The following FAT3 variants were observed in gnomAD, a reference collection of about 807,000 sequenced individuals.
FAT3 encodes the protein FAT atypical cadherin 3.
A neutral mutation model predicts 310.2 loss-of-function variants in FAT3; 95 were observed. The observed-to-expected ratio is 0.31, with a 90% CI of 0.26 to 0.36. The LOEUF (loss-of-function observed/expected upper bound fraction) is 0.36, where lower values mean the gene tolerates loss of function less well. Ranked by LOEUF, FAT3 falls within the 10% of genes least tolerant of loss-of-function variation. FAT3 has a pLI of 1.00. For synonymous variants in FAT3, 2,314 were observed against 2,192.9 expected, an observed-to-expected ratio of 1.06 and a Z score of -1.54; for missense variants, 5,408 against 5,715.6, an observed-to-expected ratio of 0.95 and a Z score of 1.74.
intron 3 of FAT3, among the ~76,000 whole-genome samples, chr11:92,678,725 A>G (rs1943371875): frequency 6.6e-6 from 1 of 152,192 alleles, no homozygotes; most frequent in Admixed American, 6.5e-5. Flanking sequence ...CTCCATGTTC[A>G]ATTAATAATT....
At chr11:92,258,557 A>T (rs532440781) in intron 1 of FAT3, among the ~76,000 whole-genome samples, 12 of 152,092 alleles carry the variant, frequency 7.9e-5, no homozygotes, top group African/African-American at 2.7e-4. Flanking sequence ...GTTTCATTTG[A>T]TTGGAGTTTT....
intron 21 of FAT3, among the ~76,000 whole-genome samples, chr11:92,863,220 G>A (rs1355921975): frequency 2.0e-5 from 3 of 152,118 alleles, no homozygotes; most frequent in Non-Finnish European, 4.4e-5. Flanking sequence ...TAGGACTACA[G>A]GCACATGCTA....
At chr11:92,529,615 G>A (rs1464515171) in intron 3 of FAT3, among the ~76,000 whole-genome samples, 1 of 151,770 alleles carries the variant, frequency 6.6e-6, no homozygotes, top group African/African-American at 2.4e-5. Flanking sequence ...TATTTTAAAG[G>A]GAAAAACACA....
At chr11:92,260,276 C>T (rs916011136) in intron 1 of FAT3, among the ~76,000 whole-genome samples, 32 of 151,754 alleles carry the variant, frequency 2.1e-4, no homozygotes, top group Non-Finnish European at 4.1e-4. Context: ...GTTTTAAGAG[C>T]GGTCATTTGT....
intron 1 of FAT3, chr11:92,336,043 C>CCT (rs1948064336): frequency 2.0e-6 from 1 of 498,196 alleles, no homozygotes; most frequent in Non-Finnish European, 4.0e-6. Flanking sequence ...CAGTTCTCAT[C>CCT]CTCTGGCAAC....
intron 13 of FAT3, among the ~76,000 whole-genome samples, chr11:92,822,355 A>G (rs1462761188): frequency 6.6e-6 from 1 of 151,796 alleles, no homozygotes; most frequent in Non-Finnish European, 1.5e-5. Context: ...AATTTGGATC[A>G]GTCTGGATCG....
intron 10 of FAT3, 82 bp from the exon 11 acceptor site, chr11:92,805,071 C>G: frequency 1.4e-6 from 2 of 1,428,004 alleles, no homozygotes; most frequent in South Asian, 2.8e-5. Flanking sequence ...CTGGATGACT[C>G]CACATGCACC....
At chr11:92,521,501 C>T (rs1398210029) in intron 2 of FAT3, among the ~76,000 whole-genome samples, 1 of 143,748 alleles carries the variant, frequency 7.0e-6, no homozygotes, top group Non-Finnish European at 1.5e-5. Flanking sequence ...AGATTTAACA[C>T]GTACTCAGCA....
intron 12 of FAT3, 88 bp downstream of exon 12, chr11:92,806,603 T>A: frequency 2.2e-5 from 25 of 1,122,338 alleles, no homozygotes; most frequent in Non-Finnish European, 3.0e-5. Flanking sequence ...AGTAAATAGT[T>A]AGTAGTATAC....
intron 21 of FAT3, among the ~76,000 whole-genome samples, chr11:92,861,055 C>G (rs749399403): frequency 3.3e-4 from 51 of 152,304 alleles, no homozygotes; most frequent in South Asian, 8.3e-4. Context: ...AAGAAAAACT[C>G]AAAAACCTAA....
chr11:92,777,570 G>A (rs1169674645), intron 7 of FAT3, among the ~76,000 whole-genome samples: 1 of 152,160 alleles, frequency 6.6e-6, no homozygotes, highest in Non-Finnish European at 1.5e-5. Flanking sequence ...AAGGGCCTCT[G>A]CATAAACTAG....
At chr11:92,523,895 A>G (rs1953766293) in intron 2 of FAT3, among the ~76,000 whole-genome samples, 1 of 152,166 alleles carries the variant, frequency 6.6e-6, no homozygotes, top group African/African-American at 2.4e-5. Flanking sequence ...GAAATGGGAA[A>G]GACTGGGCAT....
At chr11:92,500,145 TTTAGAAGGCTAGGCTCATTGACATTAAAA>T (rs1256247888) in intron 2 of FAT3, among the ~76,000 whole-genome samples, 4 of 152,076 alleles carry the variant, frequency 2.6e-5, no homozygotes, top group Non-Finnish European at 5.9e-5. Flanking sequence ...TTGACTAAAA[TTTAGAAGGCTAGGCTCATTGACATTAAAA>T]TGCTAAGACC....
chr11:92,827,218 G>C (rs974290494), intron 13 of FAT3, among the ~76,000 whole-genome samples: 1 of 152,192 alleles, frequency 6.6e-6, no homozygotes, highest in Non-Finnish European at 1.5e-5. Context: ...AATCTGCTGT[G>C]TTAACTTTTC....
chr11:92,651,153 C>T (rs1451460542), intron 3 of FAT3, among the ~76,000 whole-genome samples: 1 of 152,198 alleles, frequency 6.6e-6, no homozygotes, highest in Non-Finnish European at 1.5e-5. Context: ...TACTTTACAG[C>T]CAATTGTCAA....
chr11:92,598,655 G>A (rs1939846828), intron 3 of FAT3, among the ~76,000 whole-genome samples: 1 of 152,138 alleles, frequency 6.6e-6, no homozygotes, highest in African/African-American at 2.4e-5. Context: ...CTAGAAAGTG[G>A]CAGGAACAAT....
At chr11:92,252,244 A>G (rs550360279) in intron 1 of FAT3, among the ~76,000 whole-genome samples, 1 of 152,174 alleles carries the variant, frequency 6.6e-6, no homozygotes, top group Non-Finnish European at 1.5e-5. Flanking sequence ...CTAATTTAGC[A>G]ACTTTGCCTA....
Position 92,479,286 on chromosome 11 carries a change from C to T in FAT3, c.3293-45348C>T, listed in dbSNP as rs574130076. Reference sequence around the variant, plus strand: ...TCAGCCTCCCAAAGTGCTGGGATTACAGGTATGAGCCACTGCACCCAGACT... The same window carrying T: ...TCAGCCTCCCAAAGTGCTGGGATTATAGGTATGAGCCACTGCACCCAGACT... On this transcript the variant is annotated intron_variant, in intron 2 of 27. Transcript: ENST00000525166. Among the ~76,000 whole-genome samples the T allele has an allele frequency of 5.1e-4, 77 of 151,764 alleles. No individual in the cohort carries two copies. In the South Asian group the frequency reaches 5.6e-3, roughly 11 times the overall value.
At chr11:92,306,520 T>C (rs2134440300) in intron 1 of FAT3, among the ~76,000 whole-genome samples, 1 of 131,836 alleles carries the variant, frequency 7.6e-6, no homozygotes, top group East Asian at 2.0e-4. Flanking sequence ...ATATTTATAT[T>C]ATATATGTTA....
Sources: allele counts gnomAD v4.1 joint callset (sites outside exome capture counted in the v4.1 genomes callset), GRCh38; gene constraint gnomAD v4.1.1; transcripts MANE v1.5; gene names NCBI Gene and HGNC (gene_info 2026-07-23, HGNC 2026-07-21).